Variants in LRP1B observed in about 807,000 individuals in gnomAD.
LRP1B encodes low-density lipoprotein receptor-related protein 1B.
In LRP1B, 217 loss-of-function variants were observed where a neutral mutation model predicts 556.6. The ratio of observed to expected loss-of-function variants is 0.39; its 90% CI spans 0.35 to 0.44. The LOEUF is 0.44. Among genes scored for constraint, LRP1B ranks in the 20% least tolerant of loss-of-function variants. The pLI is 1.00. For synonymous variants in LRP1B, 2,047 were observed against 1,865.8 expected (o/e 1.10, Z -2.50); for missense variants, 5,053 against 5,620.8 (o/e 0.90, Z 3.23).
At chr2:140,247,333 T>A (rs1681209148) in intron 86 of LRP1B, among the ~76,000 whole-genome samples, 171 bp from the exon 87 acceptor site, 1 of 151,658 alleles carries the variant, frequency 6.6e-6, no homozygotes. Flanking sequence ...GTATGCTGAG[T>A]GTAACTTTCA....
chr2:140,480,731 G>A (rs111665052), intron 59 of LRP1B, among the ~76,000 whole-genome samples: 1,723 of 152,168 alleles, frequency 0.011, 40 homozygotes, highest in African/African-American at 0.04. Context: ...TTGAACCACC[G>A]TGCCTGGCCT....
chr2:141,664,670 G>A (rs1312926558), intron 2 of LRP1B, among the ~76,000 whole-genome samples: 2 of 151,940 alleles, frequency 1.3e-5, no homozygotes, highest in Non-Finnish European at 2.9e-5. Context: ...ACTTCTTCAA[G>A]AAGAACCACA....
intron 7 of LRP1B, among the ~76,000 whole-genome samples, chr2:141,115,887 G>A (rs1243213071): frequency 6.6e-6 from 1 of 152,096 alleles, no homozygotes; most frequent in Non-Finnish European, 1.5e-5. Flanking sequence ...AATTAAATGG[G>A]TTGATTCACA....
chr2:140,416,660 A>T (rs1465027414), intron 66 of LRP1B, among the ~76,000 whole-genome samples: 3 of 152,142 alleles, frequency 2.0e-5, no homozygotes, highest in Non-Finnish European at 4.4e-5. Flanking sequence ...GTCTAAAAAA[A>T]AAAACCTGTC....
chr2:141,836,405 A>G (rs975871212), intron 1 of LRP1B, among the ~76,000 whole-genome samples: 1 of 151,962 alleles, frequency 6.6e-6, no homozygotes, highest in African/African-American at 2.4e-5. Context: ...TCTATGATAA[A>G]TACATTTCTA....
intron 2 of LRP1B, among the ~76,000 whole-genome samples, chr2:141,488,049 T>C (rs182945235): frequency 0.01 from 1,559 of 152,320 alleles, 20 homozygotes; most frequent in Non-Finnish European, 0.016. Context: ...GCTCTCATTT[T>C]GTTCAATGAA....
intron 2 of LRP1B, among the ~76,000 whole-genome samples, chr2:141,788,247 A>T (rs918746944): frequency 1.3e-5 from 2 of 151,986 alleles, no homozygotes; most frequent in Non-Finnish European, 2.9e-5. Flanking sequence ...ATTTTATGAA[A>T]ACCTTCTTGG....
chr2:141,160,740 C>T (rs1305538996), intron 7 of LRP1B, among the ~76,000 whole-genome samples: 1 of 151,866 alleles, frequency 6.6e-6, no homozygotes, highest in Non-Finnish European at 1.5e-5. Context: ...CAGCAGTTGC[C>T]AGAAGTTAGA....
At chr2:141,498,536 C>T (rs1162184911) in intron 2 of LRP1B, among the ~76,000 whole-genome samples, 1 of 151,718 alleles carries the variant, frequency 6.6e-6, no homozygotes, top group African/African-American at 2.4e-5. Flanking sequence ...GCAATGGTAC[C>T]CTTTTATAAT....
intron 7 of LRP1B, among the ~76,000 whole-genome samples, chr2:141,160,849 T>C (rs1026581237): frequency 1.8e-3 from 31 of 16,904 alleles, no homozygotes; most frequent in Admixed American, 8.2e-3. Context: ...AATTAATCTA[T>C]ATATATATAT....
At chr2:141,589,930 A>AT (rs1332204043) in intron 2 of LRP1B, among the ~76,000 whole-genome samples, 2 of 152,174 alleles carry the variant, frequency 1.3e-5, no homozygotes, top group African/African-American at 2.4e-5. Context: ...AATGAATAAT[A>AT]TTTTTTGAAA....
At chr2:141,799,118 GT>G (rs902215463) in intron 2 of LRP1B, among the ~76,000 whole-genome samples, 2 of 152,068 alleles carry the variant, frequency 1.3e-5, no homozygotes, top group African/African-American at 2.4e-5. Context: ...AGTGTGTGGT[GT>G]TTTTTTAAGG....
At chr2:140,346,693 C>A (rs1334508388) in intron 77 of LRP1B, among the ~76,000 whole-genome samples, 1 of 151,796 alleles carries the variant, frequency 6.6e-6, no homozygotes, top group African/African-American at 2.4e-5. Flanking sequence ...ATATGCACAC[C>A]TATGCACTTT....
chr2:141,195,011 C>T (rs1217697548), intron 6 of LRP1B, among the ~76,000 whole-genome samples: 2 of 152,078 alleles, frequency 1.3e-5, no homozygotes, highest in Non-Finnish European at 1.5e-5. Context: ...AATATGCCCA[C>T]AAATTCTTTG....
chr2:141,295,926 G>T (rs1422487554), intron 3 of LRP1B, among the ~76,000 whole-genome samples: 2 of 152,196 alleles, frequency 1.3e-5, no homozygotes, highest in South Asian at 2.1e-4. Context: ...CTTATCACCT[G>T]AGTCTGTAGT....
intron 3 of LRP1B, among the ~76,000 whole-genome samples, chr2:141,448,708 C>T (rs754234403): frequency 1.6e-4 from 24 of 152,140 alleles, no homozygotes; most frequent in Middle Eastern, 3.2e-3. Flanking sequence ...TGCTTCGGCT[C>T]GCCCTCCACG....
intron 1 of LRP1B, among the ~76,000 whole-genome samples, chr2:141,983,600 T>C (rs889723219): frequency 6.6e-6 from 1 of 152,160 alleles, no homozygotes; most frequent in Non-Finnish European, 1.5e-5. Flanking sequence ...TAAGTCATCC[T>C]CTCCAGGCAT....
chr2:140,882,957 C>A (rs1693519904), intron 25 of LRP1B, among the ~76,000 whole-genome samples: 1 of 152,166 alleles, frequency 6.6e-6, no homozygotes, highest in African/African-American at 2.4e-5. Context: ...ATTTACAAAA[C>A]AATTACAAAG....
intron 21 of LRP1B, among the ~76,000 whole-genome samples, chr2:140,914,672 T>G (rs2105243662): frequency 6.6e-6 from 1 of 152,198 alleles, no homozygotes; most frequent in South Asian, 2.1e-4. Context: ...TGCTCAACAA[T>G]TATATTTTAA....
Sources: allele counts gnomAD v4.1 joint callset (sites outside exome capture counted in the v4.1 genomes callset), GRCh38; gene constraint gnomAD v4.1.1; transcripts MANE v1.5; gene names NCBI Gene and HGNC (gene_info 2026-07-23, HGNC 2026-07-21).